Variants in KCNH7 observed in about 807,000 individuals in gnomAD.
KCNH7 encodes potassium voltage-gated channel subfamily H member 7.
In KCNH7, 49 loss-of-function variants were observed where a neutral mutation model predicts 120.8. The ratio of observed to expected loss-of-function variants is 0.41; its 90% CI spans 0.32 to 0.51. The LOEUF is 0.51. KCNH7 is among the 20% of genes least tolerant of loss of function. The pLI is 0.38. For synonymous variants in KCNH7, 547 were observed against 516.1 expected, an observed-to-expected ratio of 1.06 and a Z score of -0.81; for missense variants, 1,097 against 1,446.6, an observed-to-expected ratio of 0.76 and a Z score of 3.92.
intron 2 of KCNH7, among the ~76,000 whole-genome samples, chr2:162,717,515 T>C (rs1018787020): frequency 6.6e-6 from 1 of 152,092 alleles, no homozygotes; most frequent in Non-Finnish European, 1.5e-5. Context: ...TTCTTCAAAG[T>C]CCTCAGAATC....
chr2:162,480,507 A>G (rs1689895937), intron 6 of KCNH7, among the ~76,000 whole-genome samples: 2 of 152,174 alleles, frequency 1.3e-5, no homozygotes, highest in African/African-American at 4.8e-5. Flanking sequence ...GCATGTTTCC[A>G]TCAATAAAAT....
chr2:162,660,236 C>A (rs1253401418), intron 2 of KCNH7, among the ~76,000 whole-genome samples: 11 of 151,964 alleles, frequency 7.2e-5, no homozygotes, highest in Non-Finnish European at 1.6e-4. Flanking sequence ...TTACTTATTT[C>A]TTCTTTTCTA....
intron 2 of KCNH7, among the ~76,000 whole-genome samples, chr2:162,631,706 G>A (rs1220330490): frequency 6.6e-6 from 1 of 151,910 alleles, no homozygotes; most frequent in Non-Finnish European, 1.5e-5. Context: ...GTAACTGTGA[G>A]AAACAACACC....
At chr2:162,603,234 G>T (rs935567251) in intron 2 of KCNH7, among the ~76,000 whole-genome samples, 2 of 151,908 alleles carry the variant, frequency 1.3e-5, no homozygotes, top group African/African-American at 4.8e-5. Flanking sequence ...ATTATAATTA[G>T]ACCTTGAGAT....
intron 2 of KCNH7, among the ~76,000 whole-genome samples, chr2:162,657,865 T>C (rs1377326962): frequency 7.1e-6 from 1 of 140,696 alleles, no homozygotes; most frequent in African/African-American, 3.1e-5. Context: ...ATAAAACTCA[T>C]AGAAGATAAC....
chr2:162,695,489 G>C (rs1686258563), intron 2 of KCNH7, among the ~76,000 whole-genome samples: 1 of 152,072 alleles, frequency 6.6e-6, no homozygotes, highest in African/African-American at 2.4e-5. Context: ...AGATTATAAC[G>C]ACAAACCACT....
chr2:162,636,605 A>C (rs774962794), intron 2 of KCNH7, among the ~76,000 whole-genome samples: 12 of 152,152 alleles, frequency 7.9e-5, no homozygotes, highest in Non-Finnish European at 1.5e-4. Flanking sequence ...TTGACATGAC[A>C]TAGTCATCAC....
intron 3 of KCNH7, among the ~76,000 whole-genome samples, chr2:162,521,479 T>C (rs936044904): frequency 2.0e-5 from 3 of 151,926 alleles, no homozygotes; most frequent in East Asian, 2.0e-4. Context: ...AACTCATTGA[T>C]GAAATTTATG....
intron 6 of KCNH7, among the ~76,000 whole-genome samples, chr2:162,491,696 C>T (rs759610792): frequency 5.9e-5 from 9 of 152,238 alleles, no homozygotes; most frequent in Non-Finnish European, 1.0e-4. Flanking sequence ...TGCCAGGACT[C>T]GGGGATATAA....
chr2:162,660,915 C>A (rs1684936774), intron 2 of KCNH7, among the ~76,000 whole-genome samples: 1 of 152,174 alleles, frequency 6.6e-6, no homozygotes, highest in South Asian at 2.1e-4. Flanking sequence ...CCAGTAGACC[C>A]CAGTATTGTC....
chr2:162,412,917 A>T (rs1573928129), intron 9 of KCNH7, among the ~76,000 whole-genome samples: 1 of 152,016 alleles, frequency 6.6e-6, no homozygotes, highest in African/African-American at 2.4e-5. Flanking sequence ...ATGATTTCTC[A>T]CTCTTGGGAG....
intron 2 of KCNH7, among the ~76,000 whole-genome samples, chr2:162,757,518 A>T (rs944491557): frequency 6.6e-6 from 1 of 152,164 alleles, no homozygotes; most frequent in Admixed American, 6.6e-5. Context: ...GAATGTTTGT[A>T]AGGTTAGCCA....
chr2:162,423,880 T>C (rs1309155139), intron 8 of KCNH7, among the ~76,000 whole-genome samples: 1 of 152,140 alleles, frequency 6.6e-6, no homozygotes, highest in Non-Finnish European at 1.5e-5. Context: ...TCACCATAAA[T>C]ACATTTTCTT....
intron 8 of KCNH7, among the ~76,000 whole-genome samples, chr2:162,426,086 C>A (rs956896713): frequency 4.0e-5 from 6 of 151,718 alleles, no homozygotes; most frequent in African/African-American, 1.2e-4. Context: ...TGGTGGTGTG[C>A]GCCTGTAGCA....
At chr2:162,583,507 A>C (rs1693941909) in intron 2 of KCNH7, among the ~76,000 whole-genome samples, 1 of 152,096 alleles carries the variant, frequency 6.6e-6, no homozygotes, top group African/African-American at 2.4e-5. Flanking sequence ...AATGGTAAAG[A>C]AAGTTTCTTA....
intron 2 of KCNH7, among the ~76,000 whole-genome samples, chr2:162,611,368 G>A (rs1455243229): frequency 6.6e-6 from 1 of 152,154 alleles, no homozygotes; most frequent in Admixed American, 6.5e-5. Context: ...TAGCCACATA[G>A]CACCACACCT....
At chr2:162,728,246 T>C (rs981573367) in intron 2 of KCNH7, among the ~76,000 whole-genome samples, 2 of 152,132 alleles carry the variant, frequency 1.3e-5, no homozygotes, top group African/African-American at 4.8e-5. Context: ...ATTTCTCTAA[T>C]GACTAATGAT....
At chr2:162,639,067 A>G (rs759992041) in intron 2 of KCNH7, among the ~76,000 whole-genome samples, 108 of 152,036 alleles carry the variant, frequency 7.1e-4, no homozygotes, top group Non-Finnish European at 1.4e-3. Flanking sequence ...ACTTCCCCCT[A>G]CCACCAGCCG....
intron 8 of KCNH7, among the ~76,000 whole-genome samples, chr2:162,423,874 C>T (rs1687779499): frequency 6.6e-6 from 1 of 151,866 alleles, no homozygotes; most frequent in Admixed American, 6.6e-5. Context: ...CATGGCTCAC[C>T]ATAAATACAT....
Sources: allele counts gnomAD v4.1 joint callset (sites outside exome capture counted in the v4.1 genomes callset), GRCh38; gene constraint gnomAD v4.1.1; transcripts MANE v1.5; gene names NCBI Gene and HGNC (gene_info 2026-07-23, HGNC 2026-07-21).